Variants in MTCL1 observed in about 807,000 individuals in gnomAD.
MTCL1 encodes microtubule cross-linking factor 1.
MTCL1 carries 79 observed loss-of-function variants against 141.4 expected under a neutral mutation model. The ratio of observed to expected loss-of-function variants is 0.56; its 90% CI spans 0.47 to 0.67. The LOEUF is 0.67. MTCL1 is among the 30% of genes least tolerant of loss of function. The pLI, the probability that MTCL1 is intolerant of heterozygous loss-of-function variation, is 0.00. For missense variants in MTCL1, 2,177 were observed against 2,113.9 expected (o/e 1.03, Z -0.59); for synonymous variants, 914 against 875.8 (o/e 1.04, Z -0.77).
At chr18:8,729,673 A>AATATATATATATATATAT (rs3051533) in intron 4 of MTCL1, among the ~76,000 whole-genome samples, 3 of 131,530 alleles carry the variant, frequency 2.3e-5, no homozygotes, top group Non-Finnish European at 3.3e-5. Flanking sequence ...CAAGAAGACA[A>AATATATATATATATATAT]ATATATATAT....
At chr18:8,829,184 T>C in intron 16 of MTCL1, 1 of 985,410 alleles carries the variant, frequency 1.0e-6, no homozygotes, top group Non-Finnish European at 1.2e-6. Flanking sequence ...AAAGAAGGGT[T>C]TTTAGGTTAT....
chr18:8,802,581 T>C (rs924365401), intron 10 of MTCL1, among the ~76,000 whole-genome samples: 8 of 152,222 alleles, frequency 5.3e-5, no homozygotes, highest in Non-Finnish European at 5.9e-5. Flanking sequence ...GTAATACTTA[T>C]AAATAGACTT....
At chr18:8,807,401 G>T (rs1156509187) in intron 11 of MTCL1, among the ~76,000 whole-genome samples, 1 of 152,226 alleles carries the variant, frequency 6.6e-6, no homozygotes, top group African/African-American at 2.4e-5. Flanking sequence ...CAGGAGCAAA[G>T]CAAAAGCAGA....
chr18:8,737,804 T>G (rs1296168527), intron 4 of MTCL1, among the ~76,000 whole-genome samples: 2 of 152,100 alleles, frequency 1.3e-5, no homozygotes, highest in African/African-American at 4.8e-5. Flanking sequence ...CAGGACAGAA[T>G]CTGCTACTAA....
chr18:8,710,333 A>G (rs2096080377), intron 1 of MTCL1, among the ~76,000 whole-genome samples: 1 of 151,806 alleles, frequency 6.6e-6, no homozygotes, highest in Admixed American at 6.6e-5. Flanking sequence ...AAACACAGAC[A>G]GAAAAGCACT....
At chr18:8,781,264 G>A (rs796550648) in intron 5 of MTCL1, among the ~76,000 whole-genome samples, 8 of 149,682 alleles carry the variant, frequency 5.3e-5, no homozygotes, top group East Asian at 2.0e-4. Context: ...TAAACACAAC[G>A]TATGCCTTTT....
intron 9 of MTCL1, 30 bp from the exon 9 acceptor site, chr18:8,798,067 G>T: frequency 2.6e-6 from 4 of 1,550,390 alleles, no homozygotes; most frequent in Non-Finnish European, 3.5e-6. Flanking sequence ...TTTGGCTGAA[G>T]CTGTGATCGT....
At chr18:8,796,762 A>G (rs1183295289) in intron 9 of MTCL1, among the ~76,000 whole-genome samples, 1 of 152,212 alleles carries the variant, frequency 6.6e-6, no homozygotes, top group African/African-American at 2.4e-5. Context: ...TACTGAGAAT[A>G]GTGCAGGAAT....
intron 4 of MTCL1, among the ~76,000 whole-genome samples, chr18:8,748,762 G>A (rs911219957): frequency 1.3e-5 from 2 of 152,112 alleles, no homozygotes; most frequent in Non-Finnish European, 2.9e-5. Context: ...CAGGGTATTA[G>A]CCAGTTCTGT....
At chr18:8,706,196 C>G in exon 1 of MTCL1, 1 of 1,225,692 alleles carries the variant, frequency 8.2e-7, no homozygotes, top group Non-Finnish European at 1.0e-6. Flanking sequence ...CCCCCGACCC[C>G]GGCCGCCCGG....
At chr18:8,785,671 T>G in intron 6 of MTCL1, 17 of 441,758 alleles carry the variant, frequency 3.8e-5, no homozygotes, top group Middle Eastern at 6.2e-4. Context: ...CACCCCCACT[T>G]TCTCTTTTTG....
At chr18:8,762,646 A>G (rs1598540382) in intron 4 of MTCL1, among the ~76,000 whole-genome samples, 1 of 152,234 alleles carries the variant, frequency 6.6e-6, no homozygotes. Context: ...TTGAGGACAG[A>G]GCGGCTGCCA....
intron 10 of MTCL1, chr18:8,800,342 AC>A: frequency 6.6e-6 from 1 of 152,392 alleles, no homozygotes; most frequent in South Asian, 2.1e-4. Context: ...GTTCTCAGTC[AC>A]AGTATTCCTC....
Position 8,786,110 on chromosome 18 carries a change from T to TCCCCCA in MTCL1, c.1887+24_1887+25insACCCCC. On this transcript the variant is annotated intron_variant, in intron 7 of 16. Coordinates refer to ENST00000359865, the Ensembl canonical transcript of MTCL1. ...CCTGGAGGTCAGCGTGGGCAAGCAA[T>TCCCCCA]CCCCCCCCCCCGCCCTCCCCCTCCT... 7.6e-7 allele frequency: 1 copy of TCCCCCA among 1,310,348 alleles called. No individual in the cohort carries two copies. Among genetic ancestry groups the TCCCCCA allele is most frequent in the Non-Finnish European group, 1.0e-6 (1 of 990,148 alleles). The allele number at this position is 1,310,348 out of a possible 1,614,324, so 81.2% of individuals were successfully genotyped here.
At chr18:8,814,158 C>T (rs1011558277) in intron 12 of MTCL1, among the ~76,000 whole-genome samples, 2 of 152,010 alleles carry the variant, frequency 1.3e-5, no homozygotes, top group African/African-American at 4.8e-5. Flanking sequence ...GCCTGTGTTA[C>T]GCAGGTACAA....
intron 4 of MTCL1, among the ~76,000 whole-genome samples, chr18:8,775,408 T>TAAAAAAA: frequency 1.1e-5 from 1 of 92,986 alleles, no homozygotes; most frequent in African/African-American, 4.1e-5. Context: ...TCGTCTCTAC[T>TAAAAAAA]AAAAAAAAAA....
At chr18:8,801,487 C>T (rs758955055) in intron 10 of MTCL1, among the ~76,000 whole-genome samples, 4 of 152,142 alleles carry the variant, frequency 2.6e-5, no homozygotes, top group African/African-American at 9.7e-5. Context: ...GGATCTGAAG[C>T]GTTTTATCTT....
At chr18:8,790,930 G>A (rs1445775775) in intron 7 of MTCL1, among the ~76,000 whole-genome samples, 4 of 152,158 alleles carry the variant, frequency 2.6e-5, no homozygotes, top group East Asian at 1.9e-4. Flanking sequence ...CAGGAGAATC[G>A]CTTGAACCTG....
At chr18:8,786,011 G>A (rs770818948) in exon 7 of MTCL1, 1 of 1,583,890 alleles carries the variant, frequency 6.3e-7, no homozygotes, top group Non-Finnish European at 8.7e-7. Context: ...GCGCCTCCGA[G>A]CCGCGCGGGA....
Sources: allele counts gnomAD v4.1 joint callset (sites outside exome capture counted in the v4.1 genomes callset), GRCh38; gene constraint gnomAD v4.1.1; transcripts MANE v1.5; gene names NCBI Gene and HGNC (gene_info 2026-07-23, HGNC 2026-07-21).